KCNH1: variants seen among roughly 807,000 people sequenced by gnomAD.
The protein encoded by KCNH1 is voltage-gated delayed rectifier potassium channel KCNH1.
In KCNH1, 27 loss-of-function variants were observed where a neutral mutation model predicts 69.2. The observed-to-expected ratio is 0.39, with a 90% CI of 0.29 to 0.54. The LOEUF (loss-of-function observed/expected upper bound fraction) is 0.54, where lower values mean the gene tolerates loss of function less well. KCNH1 is among the 20% of genes least tolerant of loss of function. The pLI is 0.68. For synonymous variants in KCNH1, 456 were observed against 487.7 expected, an observed-to-expected ratio of 0.93 and a Z score of 0.86; for missense variants, 798 against 1,261.6, an observed-to-expected ratio of 0.63 and a Z score of 5.57.
intron 10 of KCNH1, among the ~76,000 whole-genome samples, chr1:210,747,903 A>G (rs1683198060): frequency 6.6e-6 from 1 of 152,248 alleles, no homozygotes; most frequent in African/African-American, 2.4e-5. Flanking sequence ...TCACACAAAT[A>G]TAATTTAAGT....
intron 10 of KCNH1, among the ~76,000 whole-genome samples, chr1:210,774,114 T>G (rs767628523): frequency 1.6e-4 from 24 of 152,104 alleles, no homozygotes; most frequent in Non-Finnish European, 3.2e-4. Flanking sequence ...GGGTTAAGTT[T>G]GGGCCAGATG....
chr1:211,066,610 G>T (rs1690535197), intron 5 of KCNH1, among the ~76,000 whole-genome samples: 2 of 152,064 alleles, frequency 1.3e-5, no homozygotes, highest in South Asian at 4.2e-4. Context: ...ATGCCATAGG[G>T]TTCATATTAA....
At chr1:210,810,363 C>A (rs1684677557) in intron 7 of KCNH1, among the ~76,000 whole-genome samples, 1 of 152,106 alleles carries the variant, frequency 6.6e-6, no homozygotes, top group South Asian at 2.1e-4. Context: ...AATAATGCAC[C>A]TTTTTGCTAT....
At chr1:211,098,160 T>C (rs1691191982) in intron 3 of KCNH1, among the ~76,000 whole-genome samples, 1 of 150,588 alleles carries the variant, frequency 6.6e-6, no homozygotes, top group Non-Finnish European at 1.5e-5. Context: ...TCTACAAAAA[T>C]ACAAAAAAAA....
At chr1:210,840,919 C>T (rs532445848) in intron 7 of KCNH1, among the ~76,000 whole-genome samples, 8 of 152,118 alleles carry the variant, frequency 5.3e-5, no homozygotes, top group Admixed American at 1.3e-4. Flanking sequence ...CAAGGTCAAA[C>T]TTGTGGATTT....
At chr1:210,694,909 G>A (rs1398077877) in intron 10 of KCNH1, among the ~76,000 whole-genome samples, 1 of 152,216 alleles carries the variant, frequency 6.6e-6, no homozygotes, top group Non-Finnish European at 1.5e-5. Flanking sequence ...CCTCTTAGAA[G>A]CTGATGATCC....
At chr1:211,113,887 A>C (rs1489547017) in intron 1 of KCNH1, among the ~76,000 whole-genome samples, 7 of 152,074 alleles carry the variant, frequency 4.6e-5, no homozygotes, top group Admixed American at 4.6e-4. Flanking sequence ...TGAGTCAGGC[A>C]AATATCAGAC....
rs1691904961 is a variant in KCNH1 at position 211,133,048 on chromosome 1, A to C, written c.79+819T>G. On this transcript the variant is annotated intron_variant, in intron 1 of 10. Transcript: ENST00000271751. This position sits in a 1 kb window ranked among gnomAD's most constrained non-coding sequence, Gnocchi z 5.4. ...CGATCTTAATGCCACAAGGAAACAG[A>C]TGAGTGCTGATTGTCAGTTTATTGG... The C allele has an allele frequency of 6.6e-6, 1 of 152,188 alleles. No individual in the cohort carries two copies. Among genetic ancestry groups the C allele is most frequent in the African/African-American group, 2.4e-5 (1 of 41,430 alleles). The allele number at this position is 152,188 out of a possible 1,614,324, so 9.4% of individuals were successfully genotyped here.
At chr1:210,824,900 T>G (rs1197874252) in intron 7 of KCNH1, among the ~76,000 whole-genome samples, 1 of 152,234 alleles carries the variant, frequency 6.6e-6, no homozygotes, top group Non-Finnish European at 1.5e-5. Context: ...ATTTGTTGAC[T>G]TTTACAGATC....
At chr1:211,025,993 T>C (rs1359369328) in intron 5 of KCNH1, among the ~76,000 whole-genome samples, 1 of 152,154 alleles carries the variant, frequency 6.6e-6, no homozygotes, top group Non-Finnish European at 1.5e-5. Context: ...CCTCCATAAC[T>C]AGCATTGGCC....
In KCNH1 at chr1:211,088,024, A is replaced by G. The variant is rs559768078; in HGVS notation, c.439+2538T>C. ...GGGGGCACAAACTGGCTTCTTGCAC[A>G]CTATCAGGATGCACCCACCCCAGCC... is the stretch of plus-strand genomic sequence containing the variant. On this transcript the variant is annotated intron_variant, in intron 4 of 10. Transcript: ENST00000271751. Among the ~76,000 whole-genome samples the G allele has an allele frequency of 3.3e-5, 5 of 152,266 alleles. No homozygotes were observed. The East Asian group carries it at 7.7e-4, about 24-fold the overall frequency.
intron 1 of KCNH1, among the ~76,000 whole-genome samples, chr1:211,120,258 C>T (rs373391944): frequency 2.0e-5 from 3 of 150,572 alleles, no homozygotes; most frequent in South Asian, 2.1e-4. Flanking sequence ...GGTGCAATCT[C>T]GGCTCACTGC....
rs1179857958 is a variant in KCNH1 at position 210,680,612 on chromosome 1, G to C, written c.*2669C>G. ...ATGGGAAGGCAGTCAGCACAAAGCAGCCTGCGGTCAAGTTCATGGTGCGAA... is the reference window on the plus strand; with the variant it reads ...ATGGGAAGGCAGTCAGCACAAAGCACCCTGCGGTCAAGTTCATGGTGCGAA... On this transcript the variant is annotated 3_prime_UTR_variant, in exon 11 of 11. Transcript: ENST00000271751. The C allele has an allele frequency of 6.6e-6, 1 of 152,218 alleles. No individual in the cohort carries two copies. The highest frequency in any genetic ancestry group is 1.5e-5 in the Non-Finnish European group (1 of 68,058). The allele number at this position is 152,218 out of a possible 1,614,324, so 9.4% of individuals were successfully genotyped here. A position where few individuals can be genotyped will look rare whatever the true frequency, so the allele number is the denominator to read the frequency against.
chr1:210,859,846 C>G, intron 7 of KCNH1: 1 of 1,128,508 alleles, frequency 8.9e-7, no homozygotes, highest in Non-Finnish European at 1.4e-6. Context: ...TGATTTGTAA[C>G]TGGTTCAACA....
chr1:211,101,318 C>T (rs1329530016), intron 3 of KCNH1, among the ~76,000 whole-genome samples: 5 of 151,544 alleles, frequency 3.3e-5, no homozygotes. Context: ...AAAAACCATA[C>T]ACACACACAC....
intron 3 of KCNH1, among the ~76,000 whole-genome samples, chr1:211,094,467 T>C (rs73075403): frequency 0.011 from 1,611 of 152,330 alleles, 18 homozygotes; most frequent in African/African-American, 0.036. Context: ...GGAAGTTAAG[T>C]GTTATGTACT....
rs1043981334 is a variant in KCNH1 at position 210,683,894 on chromosome 1, C to G, written c.2357G>C (p.Ser786Thr). Residue 786 changes from serine to threonine, a missense_variant, in exon 11 of 11, where the codon AGC becomes ACC. Ser to Thr is a moderately conservative substitution (Grantham distance 58, BLOSUM62 1). Transcript: ENST00000271751. The surrounding 1 kb of genome is among the most constrained non-coding windows in gnomAD (Gnocchi z 5.7). ...AGGACTCTCACGCACGGTGACCACG[C>G]TGGCCTTCACGAGGCTGTGGTTGGC... is the stretch of plus-strand genomic sequence containing the variant. Reference protein sequence around the residue: ...ASANHSLVKASVVTVRESPAT... With the variant: ...ASANHSLVKATVVTVRESPAT... The G allele has an allele frequency of 2.5e-6, 4 of 1,613,790 alleles. No homozygotes were observed. Among genetic ancestry groups the G allele is most frequent in the Non-Finnish European group, 2.5e-6 (3 of 1,179,700 alleles).
chr1:211,007,051 T>A (rs532692086), intron 6 of KCNH1, among the ~76,000 whole-genome samples: 114 of 152,290 alleles, frequency 7.5e-4, no homozygotes, highest in African/African-American at 2.6e-3. Flanking sequence ...AATTTCTAAA[T>A]TTTTTAAAGG....
At chr1:211,086,972 T>C (rs1160499506) in intron 4 of KCNH1, among the ~76,000 whole-genome samples, 2 of 152,284 alleles carry the variant, frequency 1.3e-5, no homozygotes, top group Middle Eastern at 3.4e-3. Flanking sequence ...TACCAATGTA[T>C]AAAGAACCAA....
Sources: gnomAD v4.1 joint callset for allele counts (sites outside exome capture counted in the v4.1 genomes callset) on GRCh38, gnomAD v4.1.1 for gene constraint, Gnocchi (gnomAD v3.1) non-coding constraint, MANE v1.5 for transcripts, NCBI Gene and HGNC (gene_info 2026-07-23, HGNC 2026-07-21) for gene names.